The following LIG1 variants were observed in gnomAD, a reference collection of about 807,000 sequenced individuals.
The protein encoded by LIG1 is ligase I, DNA, ATP-dependent.
LIG1 carries 70 observed loss-of-function variants against 115.7 expected under a neutral mutation model. The ratio of observed to expected loss-of-function variants is 0.60; its 90% CI spans 0.50 to 0.74. The LOEUF (loss-of-function observed/expected upper bound fraction) is 0.74. Among genes scored for constraint, LIG1 ranks in the 30% least tolerant of loss-of-function variants. The pLI is 0.00. For synonymous variants in LIG1, 487 were observed against 495.3 expected (o/e 0.98, Z 0.22); for missense variants, 1,115 against 1,225.6 (o/e 0.91, Z 1.35).
At chr19:48,123,051 C>A in intron 22 of LIG1, 35 bp from the exon 23 acceptor site, 1 of 1,612,544 alleles carries the variant, frequency 6.2e-7, no homozygotes, top group Non-Finnish European at 8.5e-7. Context: ...CCTTGGGAAG[C>A]CCTGGCTCAC....
At chr19:48,149,342 T>C (rs1387378606) in intron 9 of LIG1, among the ~76,000 whole-genome samples, 1 of 151,618 alleles carries the variant, frequency 6.6e-6, no homozygotes, top group African/African-American at 2.4e-5. Context: ...AACAGAGAGG[T>C]AGGAAGTGAG....
At chr19:48,154,100 T>C in intron 5 of LIG1, 133 bp from the exon 6 acceptor site, 1 of 769,404 alleles carries the variant, frequency 1.3e-6, no homozygotes, top group Non-Finnish European at 2.3e-6. Flanking sequence ...ACACAGTCAC[T>C]GCCCCAGTGC....
rs2034375222 is a variant in LIG1, at chr19:48,136,143, C to T, written c.1332-18G>A. ...TCAGGGACCTGGGGAGAGAGCAGGC[C>T]AGGGAAGGGGGCTTGTCTGCACCTC... On this transcript the variant is annotated intron_variant, in intron 14 of 27. Coordinates refer to ENST00000263274, the MANE Select transcript of LIG1 (RefSeq NM_000234.3). The T allele has an allele frequency of 1.3e-6, 2 of 1,551,394 alleles. No individual in the cohort carries two copies. Among genetic ancestry groups the T allele is most frequent in the Admixed American group, 3.8e-5 (2 of 52,060 alleles).
Position 48,154,025 on chromosome 19 carries a change from G to A in LIG1, c.371-58C>T, listed in dbSNP as rs1009479590. The A allele has an allele frequency of 3.9e-5, 55 of 1,422,586 alleles. No individual in the cohort carries two copies. The African/African-American group carries it at 4.2e-4, about 11-fold the overall frequency. The allele number at this position is 1,422,586 out of a possible 1,614,324, so 88.1% of individuals were successfully genotyped here. On this transcript the variant is annotated intron_variant, in intron 5 of 27. Coordinates refer to ENST00000263274, the MANE Select transcript of LIG1 (RefSeq NM_000234.3). ...TCGCTGGCTCGTGTGCTCCCATCCC[G>A]GAGAGCTCACACCCACTGATGTAGC...
intron 23 of LIG1, 130 bp from the exon 24 acceptor site, chr19:48,121,452 C>T (rs1277972998): frequency 1.1e-6 from 1 of 870,580 alleles, no homozygotes; most frequent in Non-Finnish European, 1.7e-6. Flanking sequence ...CAGAAGGAAC[C>T]CCAAGGATGG....
In LIG1 at chr19:48,115,515, T is replaced by TCA. The variant is rs2032729528; in HGVS notation, c.*132_*133dup. 13 of 700,822 alleles carry TCA rather than the reference T, an allele frequency of 1.9e-5. No individual in the cohort carries two copies. Among genetic ancestry groups the TCA allele is most frequent in the South Asian group, 1.7e-4 (11 of 65,680 alleles). The allele number at this position is 700,822 out of a possible 1,614,324, so 43.4% of individuals were successfully genotyped here. A position where few individuals can be genotyped will look rare whatever the true frequency, so the allele number is the denominator to read the frequency against. ...CCAGACTCCGGAGTAAGCCACCCCC[T>TCA]CACACACACACCCCTCCCCTGACTC... On this transcript the variant is annotated 3_prime_UTR_variant, in exon 28 of 28. Coordinates refer to ENST00000263274, the MANE Select transcript of LIG1 (RefSeq NM_000234.3).
intron 12 of LIG1, among the ~76,000 whole-genome samples, chr19:48,138,376 C>T: frequency 6.6e-6 from 1 of 152,188 alleles, no homozygotes; most frequent in East Asian, 1.9e-4. Context: ...AACCCTAACA[C>T]AGAAAAGAAT....
chr19:48,127,077 G>A, intron 21 of LIG1, 200 bp downstream of exon 21: 1 of 594,334 alleles, frequency 1.7e-6, no homozygotes, highest in Non-Finnish European at 3.0e-6. Context: ...TGGAAAGAGA[G>A]GGACCTTGAA....
chr19:48,136,081 A>G lies in LIG1; in HGVS notation c.1376T>C (p.Val459Ala). ...CACTGCCTGGGAGAGGGCAGCCAGCACCGACTGCTCTGCCAGCCCAAGGCG... is the reference window on the plus strand; with the variant it reads ...CACTGCCTGGGAGAGGGCAGCCAGCGCCGACTGCTCTGCCAGCCCAAGGCG... ...RLRLGLAEQS[V>A]LAALSQAVSL... Residue 459 changes from valine to alanine, a missense_variant, in exon 15 of 28, where the codon GTG becomes GCG. Physicochemically the swap from Val to Ala is moderately conservative, Grantham distance 64. Coordinates refer to ENST00000263274, the MANE Select transcript of LIG1 (RefSeq NM_000234.3). 1 of 1,573,712 alleles carries G rather than the reference A, an allele frequency of 6.4e-7. No homozygotes were observed. Among genetic ancestry groups the G allele is most frequent in the Non-Finnish European group, 8.6e-7 (1 of 1,160,046 alleles).
At chr19:48,168,315 C>T (rs574104566) in intron 1 of LIG1, among the ~76,000 whole-genome samples, 2 of 152,162 alleles carry the variant, frequency 1.3e-5, no homozygotes, top group African/African-American at 2.4e-5. Flanking sequence ...ATCATCCCCA[C>T]TTTATAGATG....
chr19:48,135,583 C>T (rs2034327342), intron 16 of LIG1, 97 bp downstream of exon 16: 1 of 952,348 alleles, frequency 1.1e-6, no homozygotes, highest in Non-Finnish European at 1.7e-6. Flanking sequence ...GCCTGTCCGT[C>T]ACTTCACTGG....
intron 11 of LIG1, among the ~76,000 whole-genome samples, chr19:48,141,401 G>A (rs2034743076): frequency 6.8e-6 from 1 of 147,636 alleles, no homozygotes; most frequent in African/African-American, 2.6e-5. Context: ...CAAAGTGCTG[G>A]GATTACAGGC....
In LIG1 at chr19:48,135,953, C is replaced by T. The variant is rs940605579; in HGVS notation, c.1423+81G>A. 23 of 1,026,432 alleles carry T rather than the reference C, an allele frequency of 2.2e-5. 1 individual carries two copies. Among genetic ancestry groups the T allele is most frequent in the South Asian group, 2.2e-4 (15 of 68,982 alleles). 63.6% of individuals were successfully genotyped at this position (1,026,432 alleles called of 1,614,324 possible). A position where few individuals can be genotyped will look rare whatever the true frequency, so the allele number is the denominator to read the frequency against. ...TGGCAGGGGCCCGCTGGGGAAGGGG[C>T]GGGCATGGGCCTCTGAAGAGGAGGG... On this transcript the variant is annotated intron_variant, in intron 15 of 27. Transcript: ENST00000263274.
At chr19:48,120,225 C>T in intron 24 of LIG1, 1 of 985,498 alleles carries the variant, frequency 1.0e-6, no homozygotes, top group Non-Finnish European at 1.2e-6. Flanking sequence ...TGGTTCAGGA[C>T]ACAGCACTAT....
intron 9 of LIG1, among the ~76,000 whole-genome samples, chr19:48,147,053 G>A (rs1020843056): frequency 6.6e-6 from 1 of 152,182 alleles, no homozygotes; most frequent in Non-Finnish European, 1.5e-5. Flanking sequence ...CAAAATTGAT[G>A]TCAAGAATCC....
At chr19:48,116,171 C>T (rs1388750480) in intron 26 of LIG1, 21 of 575,094 alleles carry the variant, frequency 3.7e-5, no homozygotes, top group Non-Finnish European at 5.1e-5. Context: ...TGGCCGGGTG[C>T]GGTGGCTCAC....
At position 48,136,104 on chromosome 19, in the gene LIG1, G is replaced by A; in HGVS notation, c.1353C>T (p.Arg451=). The A allele has an allele frequency of 1.3e-6, 2 of 1,571,602 alleles. No individual in the cohort carries two copies. The highest frequency in any genetic ancestry group is 1.2e-5 in the South Asian group (1 of 85,446). ...GCACCGACTGCTCTGCCAGCCCAAG[G>A]CGCAGCCGTCCGCTCAGGGACCTGG... ...FIARSLSGRL[R]LGLAEQSVLA... The change falls in exon 15 of 28, where the codon CGC becomes CGT. Residue 451 remains arginine (R), a synonymous_variant. Transcript: ENST00000263274.
At chr19:48,127,872 T>G (rs753343120) in intron 20 of LIG1, 38 bp downstream of exon 20, 2 of 1,528,576 alleles carry the variant, frequency 1.3e-6, no homozygotes, top group Admixed American at 1.7e-5. Context: ...GATGAGGAAG[T>G]ACGGGGCCTT....
At chr19:48,119,942 G>A (rs540799658) in intron 24 of LIG1, among the ~76,000 whole-genome samples, 1 of 152,364 alleles carries the variant, frequency 6.6e-6, no homozygotes, top group African/African-American at 2.4e-5. Context: ...TACGCAGCAA[G>A]TGGGCAATAA....
Sources: gnomAD v4.1 joint callset for allele counts (sites outside exome capture counted in the v4.1 genomes callset) on GRCh38, gnomAD v4.1.1 for gene constraint, MANE v1.5 for transcripts, NCBI Gene and HGNC (gene_info 2026-07-23, HGNC 2026-07-21) for gene names.